TRPV4: variants seen among roughly 807,000 people sequenced by gnomAD.
TRPV4 encodes transient receptor potential cation channel subfamily V member 4, also known as OSM9-like transient receptor potential channel 4.
In TRPV4, 58 loss-of-function variants were observed where a neutral mutation model predicts 84.1. The observed-to-expected ratio is 0.69, with a 90% confidence interval of 0.56 to 0.86. TRPV4 has a LOEUF of 0.86. Ranked by LOEUF, TRPV4 falls within the 40% of genes least tolerant of loss-of-function variation. The probability of loss-of-function intolerance (pLI) is 0.00; values close to 1 mark genes in which losing one functional copy is unlikely to be tolerated. For synonymous variants in TRPV4, 489 were observed against 500.9 expected, an observed-to-expected ratio of 0.98 and a Z score of 0.32; for missense variants, 879 against 1,181.1, an observed-to-expected ratio of 0.74 and a Z score of 3.75.
chr12:109,803,837 C>T (rs542415923), intron 3 of TRPV4, among the ~76,000 whole-genome samples: 2 of 152,300 alleles, frequency 1.3e-5, no homozygotes, highest in East Asian at 3.9e-4. Flanking sequence ...AATCATAATT[C>T]CTTACTACAG....
intron 1 of TRPV4, among the ~76,000 whole-genome samples, chr12:109,820,402 A>AGAGTGAGAGAG (rs1892045411): frequency 6.6e-6 from 1 of 151,694 alleles, no homozygotes; most frequent in African/African-American, 2.4e-5. Context: ...CCGGTGGGGC[A>AGAGTGAGAGAG]CATTTTGACG....
At chr12:109,784,486 T>C (rs1208638699) in intron 14 of TRPV4, 49 bp from the exon 15 acceptor site, 3 of 1,613,826 alleles carry the variant, frequency 1.9e-6, no homozygotes, top group Non-Finnish European at 2.5e-6. Context: ...AGAGACGCTC[T>C]CCATGCCACC....
At chr12:109,799,636 G>A (rs1890647123) in intron 5 of TRPV4, among the ~76,000 whole-genome samples, 1 of 152,228 alleles carries the variant, frequency 6.6e-6, no homozygotes, top group Non-Finnish European at 1.5e-5. Context: ...ACAGAGCTGG[G>A]CGCTGACATC....
In TRPV4 at chr12:109,788,399, C is replaced by A; in HGVS notation, c.2208+1G>T. 6.2e-7 allele frequency: 1 copy of A among 1,613,128 alleles called. No homozygotes were observed. Among genetic ancestry groups the A allele is most frequent in the South Asian group, 1.1e-5 (1 of 90,972 alleles). On this transcript the variant is annotated splice_donor_variant, in intron 13 of 15. Transcript: ENST00000261740. LOFTEE classifies it high-confidence loss of function. ...TGGGGCTGGGGGCCCTGGGGCCTCA[C>A]CTGCAGCTTCCAGATGTGCTTGCTC...
At chr12:109,794,601 C>T (rs1890273861) in intron 7 of TRPV4, 114 bp from the exon 8 acceptor site, 3 of 1,127,370 alleles carry the variant, frequency 2.7e-6, no homozygotes, top group African/African-American at 1.5e-5. Flanking sequence ...TTTCTCTTTC[C>T]ATCCATTCCT....
chr12:109,806,030 T>C (rs1891097466), intron 3 of TRPV4, among the ~76,000 whole-genome samples: 1 of 152,170 alleles, frequency 6.6e-6, no homozygotes, highest in South Asian at 2.1e-4. Context: ...GGCCAGGGCT[T>C]AAACATGGGT....
rs1372296515 is a variant in TRPV4 at position 109,796,626 on chromosome 12, A to G, written c.1231T>C (p.Tyr411His). 3 of 1,614,068 alleles carry G rather than the reference A, an allele frequency of 1.9e-6. No individual in the cohort carries two copies. The highest frequency in any genetic ancestry group is 2.5e-6 in the Non-Finnish European group (3 of 1,180,042). The change falls in exon 7 of 16, where the codon TAT (tyrosine) becomes CAT (histidine). Residue 411 changes from tyrosine to histidine, a missense_variant. Transcript: ENST00000261740. This position sits in a 1 kb window ranked among gnomAD's most constrained non-coding sequence, Gnocchi z 4.2. Reference sequence around the variant, plus strand: ...TAAAGCGAGGAATACACTGGCCCATAGGCCCAGTCCTTGAACTTGCGGGAC... The same window carrying G: ...TAAAGCGAGGAATACACTGGCCCATGGGCCCAGTCCTTGAACTTGCGGGAC... ...HLSRKFKDWA[Y>H]GPVYSSLYDL...
chr12:109,792,279 C>T (rs1890092490), intron 12 of TRPV4, 84 bp downstream of exon 12: 3 of 865,542 alleles, frequency 3.5e-6, no homozygotes, highest in Non-Finnish European at 5.7e-6. Context: ...CTCAGCAAGG[C>T]TGCTATTGTC....
intron 1 of TRPV4, among the ~76,000 whole-genome samples, chr12:109,831,542 G>T (rs957443867): frequency 7.9e-5 from 12 of 152,260 alleles, no homozygotes; most frequent in Non-Finnish European, 1.3e-4. Context: ...CACTGCTCCA[G>T]TGCCCAGCCC....
intron 13 of TRPV4, among the ~76,000 whole-genome samples, chr12:109,787,815 C>T (rs796587622): frequency 3.9e-5 from 6 of 152,286 alleles, no homozygotes; most frequent in African/African-American, 1.4e-4. Flanking sequence ...TATTAGGACA[C>T]CAGGTTTGTA....
At chr12:109,813,681 G>A (rs912784148) in intron 2 of TRPV4, among the ~76,000 whole-genome samples, 16 of 152,144 alleles carry the variant, frequency 1.1e-4, no homozygotes, top group Non-Finnish European at 2.1e-4. Context: ...TTAATAGATA[G>A]ATGGATGATG....
chr12:109,812,172 C>T (rs368764747), intron 2 of TRPV4, among the ~76,000 whole-genome samples: 1 of 152,188 alleles, frequency 6.6e-6, no homozygotes, highest in African/African-American at 2.4e-5. Context: ...CAGAGTGCCA[C>T]ACAAACCACA....
intron 7 of TRPV4, 137 bp from the exon 8 acceptor site, chr12:109,794,624 C>T: frequency 1.1e-6 from 1 of 908,642 alleles, no homozygotes; most frequent in East Asian, 2.5e-5. Flanking sequence ...GCTGCATTCA[C>T]GGATTCATGA....
rs557946864 is a variant in TRPV4, at chr12:109,820,711, G to C, written c.-31-5884C>G. 2.6e-4 allele frequency among the ~76,000 whole-genome samples: 39 copies of C among 151,942 alleles called. 1 individual carries two copies. The South Asian group carries it at 8.1e-3, about 32-fold the overall frequency. On this transcript the variant is annotated intron_variant, in intron 1 of 15. Coordinates refer to ENST00000261740, the MANE Select transcript of TRPV4 (RefSeq NM_021625.5). ...TAATTTTTTGTATTTTTTTAGTACA[G>C]ACGGGGTTTCATGGTGTTAGCCAGG...
chr12:109,794,542 G>A, intron 7 of TRPV4, 55 bp from the exon 8 acceptor site: 2 of 1,601,814 alleles, frequency 1.2e-6, no homozygotes, highest in African/African-American at 2.7e-5. Context: ...GGGGGGTCCA[G>A]GCAGGCTGCC....
chr12:109,788,674 C>T lies in TRPV4; in HGVS notation c.1934G>A (p.Cys645Tyr), dbSNP rs763162076. The T allele has an allele frequency of 1.9e-6, 3 of 1,614,082 alleles. No individual in the cohort carries two copies. Among genetic ancestry groups the T allele is most frequent in the East Asian group, 2.2e-5 (1 of 44,886 alleles). ...TGTGCAGTTGGTCTGGTCCTCATTG[C>T]ACACCTTCATGTTGGCACACGGGTT... ...LLNPCANMKV[C>Y]NEDQTNCTVP... The change falls in exon 13 of 16, where the codon TGC becomes TAC. Residue 645 changes from cysteine to tyrosine, a missense_variant. Cys to Tyr is a radical substitution (Grantham distance 194). Transcript: ENST00000261740.
At chr12:109,808,967 C>T (rs1009472384) in intron 2 of TRPV4, among the ~76,000 whole-genome samples, 10 of 151,286 alleles carry the variant, frequency 6.6e-5, no homozygotes, top group African/African-American at 2.4e-4. Flanking sequence ...ATCCATCCAT[C>T]CATCTACCCA....
In TRPV4 at chr12:109,796,126, C is replaced by T. The variant is rs967416353; in HGVS notation, c.1332+399G>A. Among the ~76,000 whole-genome samples, 3 of 152,122 alleles carry T rather than the reference C, an allele frequency of 2.0e-5. No homozygotes were observed. The highest frequency in any genetic ancestry group is 4.4e-5 in the Non-Finnish European group (3 of 68,012). ...AGTAAAAGCTGACATAATGTTTACTCTGTGCCAAGCCATTCTAAAATTAAC... is the reference window on the plus strand; with the variant it reads ...AGTAAAAGCTGACATAATGTTTACTTTGTGCCAAGCCATTCTAAAATTAAC... On this transcript the variant is annotated intron_variant, in intron 7 of 15. Transcript: ENST00000261740. The surrounding 1 kb of genome is among the most constrained non-coding windows in gnomAD (Gnocchi z 4.2).
chr12:109,788,360 G>C lies in TRPV4; in HGVS notation c.2208+40C>G, dbSNP rs1006728180. ...GGGTGGGTCTCCTCGGAAGGACGAG[G>C]GTGGCTGGTAGAGTGGGGCTGGGGG... On this transcript the variant is annotated intron_variant, in intron 13 of 15. Coordinates refer to ENST00000261740, the MANE Select transcript of TRPV4 (RefSeq NM_021625.5). 3 of 1,593,656 alleles carry C rather than the reference G, an allele frequency of 1.9e-6. No individual in the cohort carries two copies. The African/African-American group carries it at 4.0e-5, about 21-fold the overall frequency.
Sources: gnomAD v4.1 joint callset for allele counts (sites outside exome capture counted in the v4.1 genomes callset) on GRCh38, gnomAD v4.1.1 for gene constraint, Gnocchi (gnomAD v3.1) non-coding constraint, MANE v1.5 for transcripts, NCBI Gene and HGNC (gene_info 2026-07-23, HGNC 2026-07-21) for gene names.